The following AKAP12 variants were observed in gnomAD, a reference collection of about 807,000 sequenced individuals.
The protein encoded by AKAP12 is A-kinase anchor protein 12.
AKAP12 carries 32 observed loss-of-function variants against 79.9 expected under a neutral mutation model. The ratio of observed to expected loss-of-function variants is 0.40; its 90% CI spans 0.30 to 0.54. AKAP12 has a LOEUF of 0.54. Ranked by LOEUF, AKAP12 falls within the 20% of genes least tolerant of loss-of-function variation. AKAP12 has a pLI of 0.48. For missense variants in AKAP12, 2,074 were observed against 2,177.0 expected, an observed-to-expected ratio of 0.95 and a Z score of 0.94; for synonymous variants, 808 against 857.0, an observed-to-expected ratio of 0.94 and a Z score of 1.00.
intron 2 of AKAP12, among the ~76,000 whole-genome samples, chr6:151,275,301 G>C (rs1239829206): frequency 6.6e-6 from 1 of 152,132 alleles, no homozygotes; most frequent in Non-Finnish European, 1.5e-5. Context: ...GCATTCGAGA[G>C]AGGCTGGGGC....
chr6:151,345,712 G>T (rs912837655), intron 3 of AKAP12, among the ~76,000 whole-genome samples: 1 of 150,956 alleles, frequency 6.6e-6, no homozygotes, highest in Non-Finnish European at 1.5e-5. Context: ...CAGGAGAATC[G>T]CTTGAACCCG....
intron 3 of AKAP12, among the ~76,000 whole-genome samples, chr6:151,314,636 C>T (rs1442231965): frequency 1.3e-5 from 2 of 152,140 alleles, no homozygotes; most frequent in Admixed American, 1.3e-4. Context: ...GGAGATGTTA[C>T]CTATAAATCT....
At chr6:151,248,211 C>T (rs1797112578) in intron 2 of AKAP12, among the ~76,000 whole-genome samples, 1 of 151,962 alleles carries the variant, frequency 6.6e-6, no homozygotes, top group Non-Finnish European at 1.5e-5. Context: ...CCCTACACCT[C>T]ATCCTGGATT....
intron 2 of AKAP12, among the ~76,000 whole-genome samples, chr6:151,251,849 T>C (rs1797182013): frequency 6.6e-6 from 1 of 151,984 alleles, no homozygotes; most frequent in African/African-American, 2.4e-5. Flanking sequence ...ATACAAAAAT[T>C]AGCCAGGCAT....
At chr6:151,325,858 A>C (rs747641128) in intron 3 of AKAP12, 1 of 1,614,116 alleles carries the variant, frequency 6.2e-7, no homozygotes, top group East Asian at 2.2e-5. Flanking sequence ...TGCTACTTAA[A>C]ATATGCTGGG....
At chr6:151,291,144 A>G (rs911437443) in intron 2 of AKAP12, among the ~76,000 whole-genome samples, 11 of 152,222 alleles carry the variant, frequency 7.2e-5, no homozygotes, top group African/African-American at 2.2e-4. Flanking sequence ...GGTCAGTATC[A>G]TGCCTCTGAG....
rs1309603980 is a variant in AKAP12 at position 151,356,132 on chromosome 6, A to C, written c.*418A>C. 1.3e-5 allele frequency: 2 copies of C among 152,610 alleles called. No homozygotes were observed. The highest frequency in any genetic ancestry group is 4.8e-5 in the African/African-American group (2 of 41,440). The allele number at this position is 152,610 out of a possible 1,614,324, so 9.5% of individuals were successfully genotyped here. ...CTTAATGTTTAAGGAAATGTGCAGG[A>C]TACTACATGCTTTTTGTATCACACA... On this transcript the variant is annotated 3_prime_UTR_variant, in exon 5 of 5. Coordinates refer to ENST00000402676, the MANE Select transcript of AKAP12 (RefSeq NM_005100.4).
In AKAP12 at chr6:151,351,862, T is replaced by G. The variant is rs962430801; in HGVS notation, c.3471T>G (p.Ala1157=). 2.5e-6 allele frequency: 4 copies of G among 1,613,954 alleles called. No individual in the cohort carries two copies. Among genetic ancestry groups the G allele is most frequent in the Non-Finnish European group, 3.4e-6 (4 of 1,179,992 alleles). Reference sequence around the variant, plus strand: ...CACAGGAGATGGTGATGGAACAGGCTATCCCCCCTGACTCGGTGGAAACCC... The same window carrying G: ...CACAGGAGATGGTGATGGAACAGGCGATCCCCCCTGACTCGGTGGAAACCC... ...VKSQEMVMEQ[A]IPPDSVETPT... Residue 1157 remains alanine (A), a synonymous_variant, in exon 4 of 5, where the codon GCT becomes GCG. Coordinates refer to ENST00000402676, the MANE Select transcript of AKAP12 (RefSeq NM_005100.4). This position sits in a 1 kb window ranked among gnomAD's most constrained non-coding sequence, Gnocchi z 4.4.
chr6:151,301,782 T>G (rs1375718094), intron 2 of AKAP12, among the ~76,000 whole-genome samples: 3 of 152,052 alleles, frequency 2.0e-5, no homozygotes, highest in Non-Finnish European at 4.4e-5. Flanking sequence ...GACTCAAAAC[T>G]CAGGTTCAGT....
chr6:151,317,485 T>C (rs1562735638), intron 3 of AKAP12, among the ~76,000 whole-genome samples: 1 of 152,222 alleles, frequency 6.6e-6, no homozygotes, highest in Non-Finnish European at 1.5e-5. Flanking sequence ...GGCTTATATA[T>C]ATTTCAGACA....
Position 151,351,825 on chromosome 6 carries a change from C to A in AKAP12, c.3434C>A (p.Ala1145Asp), listed in dbSNP as rs1301742948. 6 of 1,614,088 alleles carry A rather than the reference C, an allele frequency of 3.7e-6. No individual in the cohort carries two copies. In the Admixed American group the frequency reaches 6.7e-5, roughly 18 times the overall value. The change falls in exon 4 of 5, where the codon GCT (alanine) becomes GAT (aspartate). Residue 1145 changes from alanine to aspartate, a missense_variant. Physicochemically the swap from Ala to Asp is moderately radical, Grantham distance 126 (BLOSUM62 -2). Coordinates refer to ENST00000402676, the MANE Select transcript of AKAP12 (RefSeq NM_005100.4). This position sits in a 1 kb window ranked among gnomAD's most constrained non-coding sequence, Gnocchi z 4.4. Reference protein sequence around the residue: ...LVTTCQAETLAGVKSQEMVME... With the variant: ...LVTTCQAETLDGVKSQEMVME... ...ACCACTTGTCAAGCCGAAACCTTAGCTGGGGTAAAATCACAGGAGATGGTG... is the reference window on the plus strand; with the variant it reads ...ACCACTTGTCAAGCCGAAACCTTAGATGGGGTAAAATCACAGGAGATGGTG...
At chr6:151,244,994 G>A (rs1797042826) in intron 2 of AKAP12, among the ~76,000 whole-genome samples, 1 of 152,106 alleles carries the variant, frequency 6.6e-6, no homozygotes, top group Non-Finnish European at 1.5e-5. Context: ...CATCCTCTTT[G>A]GGTTGACTAA....
Position 151,353,754 on chromosome 6 carries a change from TA to T in AKAP12, c.*12+4del. 1 of 1,528,652 alleles carries T rather than the reference TA, an allele frequency of 6.5e-7. No homozygotes were observed. The highest frequency in any genetic ancestry group is 8.8e-7 in the Non-Finnish European group (1 of 1,139,038). The allele number at this position is 1,528,652 out of a possible 1,614,324, so 94.7% of individuals were successfully genotyped here. ...ACAGAATCTTAAAACATCATGCAGG[TA>T]AGCTTCCTTGTCTTCTAAGATAATT... On this transcript the variant is annotated splice_donor_region_variant and intron_variant, in intron 4 of 4. Transcript: ENST00000402676.
At chr6:151,286,412 C>T (rs1776505080) in intron 2 of AKAP12, among the ~76,000 whole-genome samples, 1 of 152,214 alleles carries the variant, frequency 6.6e-6, no homozygotes, top group African/African-American at 2.4e-5. Flanking sequence ...AGATCAGTAA[C>T]AGCAGGGAGG....
At chr6:151,242,636 C>T (rs1796999778) in intron 2 of AKAP12, among the ~76,000 whole-genome samples, 2 of 152,236 alleles carry the variant, frequency 1.3e-5, no homozygotes, top group African/African-American at 2.4e-5. Flanking sequence ...TGGCCCTTGC[C>T]TCCCCTCTTC....
chr6:151,241,479 G>GAA (rs1796975329), intron 2 of AKAP12, among the ~76,000 whole-genome samples: 2 of 152,346 alleles, frequency 1.3e-5, no homozygotes, highest in South Asian at 4.1e-4. Flanking sequence ...CAAAGGATGG[G>GAA]GTCAGTGTAA....
chr6:151,291,342 G>A (rs1398170581), intron 2 of AKAP12, among the ~76,000 whole-genome samples: 3 of 152,304 alleles, frequency 2.0e-5, no homozygotes, highest in Non-Finnish European at 4.4e-5. Context: ...GCTGATGAGT[G>A]GCTTAGCTGA....
intron 2 of AKAP12, among the ~76,000 whole-genome samples, chr6:151,286,042 A>AT (rs1776499372): frequency 2.0e-5 from 3 of 151,972 alleles, no homozygotes; most frequent in South Asian, 4.2e-4. Context: ...TGCCTGGGTA[A>AT]TTTTTTTGTA....
intron 2 of AKAP12, among the ~76,000 whole-genome samples, chr6:151,299,616 C>T (rs1388588927): frequency 1.3e-5 from 2 of 152,152 alleles, no homozygotes; most frequent in East Asian, 1.9e-4. Flanking sequence ...TCATTCTCAG[C>T]AACTTGCTTC....
Sources: allele counts gnomAD v4.1 joint callset (sites outside exome capture counted in the v4.1 genomes callset), GRCh38; gene constraint gnomAD v4.1.1; non-coding constraint Gnocchi (gnomAD v3.1); transcripts MANE v1.5; gene names NCBI Gene and HGNC (gene_info 2026-07-23, HGNC 2026-07-21).